Variants in TUBGCP5 observed in about 807,000 individuals in gnomAD.
The protein encoded by TUBGCP5 is tubulin gamma complex component 5.
Under a neutral mutation model 134.7 loss-of-function variants are expected in TUBGCP5, and 98 were observed. That is an observed-to-expected ratio of 0.73 (90% confidence interval 0.62 to 0.86). TUBGCP5 has a LOEUF of 0.86. Among genes scored for constraint, TUBGCP5 ranks in the 40% least tolerant of loss-of-function variants. The pLI is 0.00. For missense variants in TUBGCP5, 1,150 were observed against 1,244.8 expected (o/e 0.92, Z 1.15); for synonymous variants, 456 against 431.4 (o/e 1.06, Z -0.71).
Position 23,032,756 on chromosome 15 carries a change from A to T in TUBGCP5, c.378T>A (p.Tyr126Ter), listed in dbSNP as rs1345700827. ...CTTCTTTATTTCTTGGTGTCTCCACATAACTGCTGTTTGAAGGAGAGTCTG... is the reference window on the plus strand; with the variant it reads ...CTTCTTTATTTCTTGGTGTCTCCACTTAACTGCTGTTTGAAGGAGAGTCTG... ...CLSDSPSNSS[Y>*]VETPRNKEVE... is the part of the protein sequence containing the mutation. Residue 126 changes from tyrosine to a stop codon, truncating the protein, a stop_gained, in exon 4 of 23, where the codon TAT (tyrosine) becomes TAA (stop). Coordinates refer to ENST00000615383, the MANE Select transcript of TUBGCP5 (RefSeq NM_052903.6). LOFTEE classifies it high-confidence loss of function. 2 of 1,596,196 alleles carry T rather than the reference A, an allele frequency of 1.3e-6. No individual in the cohort carries two copies. Among genetic ancestry groups the T allele is most frequent in the Non-Finnish European group, 1.7e-6 (2 of 1,173,350 alleles).
At chr15:23,031,201 A>C (rs2066288995) in intron 5 of TUBGCP5, among the ~76,000 whole-genome samples, 181 bp from the exon 6 acceptor site, 1 of 152,180 alleles carries the variant, frequency 6.6e-6, no homozygotes, top group African/African-American at 2.4e-5. Context: ...AAATATGATT[A>C]CTACTTTTTC....
chr15:23,032,884 T>A (rs901703963), intron 3 of TUBGCP5, 60 bp from the exon 4 acceptor site: 3 of 1,277,262 alleles, frequency 2.3e-6, no homozygotes, highest in Non-Finnish European at 3.2e-6. Context: ...CTACACCAGA[T>A]TGAGTAAAGA....
At chr15:23,023,820 A>G in intron 10 of TUBGCP5, 127 bp downstream of exon 10, 2 of 834,470 alleles carry the variant, frequency 2.4e-6, no homozygotes, top group South Asian at 4.9e-5. Flanking sequence ...AAATAATTTT[A>G]AAAGAAGCAT....
chr15:23,011,163 T>C lies in TUBGCP5; in HGVS notation c.1925A>G (p.His642Arg), dbSNP rs1247412566. 1.2e-6 allele frequency: 2 copies of C among 1,614,096 alleles called. No individual in the cohort carries two copies. The highest frequency in any genetic ancestry group is 2.7e-5 in the African/African-American group (2 of 75,044). Reference protein sequence around the residue: ...AESHLELDDVHDPLLAINFAR... With the variant: ...AESHLELDDVRDPLLAINFAR... ...AAAGTTAATGGCAAGCAGTGGATCA[T>C]GAACATCATCCAGTTCAAGATGGCT... The change falls in exon 14 of 23, where the codon CAT becomes CGT. Residue 642 changes from histidine (H) to arginine (R), a missense_variant. Around this residue, in one of 2 missense-constraint regions of TUBGCP5, gnomAD observed 697 missense variants for 850.1 expected, o/e 0.82. Coordinates refer to ENST00000615383, the MANE Select transcript of TUBGCP5 (RefSeq NM_052903.6).
chr15:23,004,289 A>G (rs1307126434), intron 19 of TUBGCP5, 62 bp from the exon 20 acceptor site: 2 of 1,574,414 alleles, frequency 1.3e-6, no homozygotes, highest in Admixed American at 4.1e-5. Flanking sequence ...TGTGCTGCAC[A>G]CAAATCTTTT....
At chr15:23,012,132 AAAG>A (rs2065072908) in intron 13 of TUBGCP5, among the ~76,000 whole-genome samples, 1 of 151,718 alleles carries the variant, frequency 6.6e-6, no homozygotes, top group Admixed American at 6.6e-5. Context: ...AAAAAAAAAA[AAAG>A]AGTAAGATCC....
rs1272441031 is a variant in TUBGCP5 at position 23,009,949 on chromosome 15, A to T, written c.2140T>A (p.Tyr714Asn). 5.6e-6 allele frequency: 9 copies of T among 1,611,582 alleles called. No individual in the cohort carries two copies. Among genetic ancestry groups the T allele is most frequent in the Non-Finnish European group, 6.8e-6 (8 of 1,178,598 alleles). The change falls in exon 15 of 23, where the codon TAC becomes AAC. Residue 714 changes from tyrosine (Y) to asparagine (N), a missense_variant. This residue lies in a region of TUBGCP5 where 697 missense variants were observed against 850.1 expected (regional missense o/e 0.82). Coordinates refer to ENST00000615383, the MANE Select transcript of TUBGCP5 (RefSeq NM_052903.6). ...GNLMQTLKKD[Y>N]RLVEYLQAMR... ...AAAATTAAATTACTCTTTTACCTGT[A>T]ATCTTTTTTTAGAGTTTGCATGAGA...
chr15:23,006,487 C>T, intron 16 of TUBGCP5, 135 bp from the exon 17 acceptor site: 1 of 671,660 alleles, frequency 1.5e-6, no homozygotes, highest in South Asian at 1.9e-5. Context: ...TGCAAACATT[C>T]CAACAAATGT....
intron 6 of TUBGCP5, among the ~76,000 whole-genome samples, chr15:23,030,023 T>C (rs2066217262): frequency 6.6e-6 from 1 of 152,156 alleles, no homozygotes; most frequent in African/African-American, 2.4e-5. Flanking sequence ...GGTGAAACCC[T>C]GTGTCTACAA....
Position 23,024,183 on chromosome 15 carries a change from C to A in TUBGCP5, c.932G>T (p.Arg311Leu). The A allele has an allele frequency of 6.2e-7, 1 of 1,613,644 alleles. No homozygotes were observed. The highest frequency in any genetic ancestry group is 8.5e-7 in the Non-Finnish European group (1 of 1,179,738). Residue 311 changes from arginine to leucine, a missense_variant, in exon 10 of 23, where the codon CGA (arginine) becomes CTA (leucine). By Grantham distance (102) the Arg-to-Leu change is moderately radical. This residue lies in a region of TUBGCP5 where 453 missense variants were observed against 394.7 expected (regional missense o/e 1.15). Coordinates refer to ENST00000615383, the MANE Select transcript of TUBGCP5 (RefSeq NM_052903.6). ...IVTHLTHSCL[R>L]SVLEQIAAYG... ...TGCTGCTATTTGTTCCAGCACAGAT[C>A]GTAAACAGCTCTACAACACAAGCAA...
chr15:23,009,637 T>C (rs1328391517), intron 15 of TUBGCP5, among the ~76,000 whole-genome samples: 1 of 147,576 alleles, frequency 6.8e-6, no homozygotes, highest in Non-Finnish European at 1.5e-5. Context: ...TTTATGGATA[T>C]GCATAGTTTA....
At chr15:23,000,254 A>G in intron 22 of TUBGCP5, 1 of 1,234,152 alleles carries the variant, frequency 8.1e-7, no homozygotes. Flanking sequence ...TAGATTTTGA[A>G]AAGAAATAGT....
intron 20 of TUBGCP5, among the ~76,000 whole-genome samples, chr15:23,003,648 T>G (rs892902782): frequency 0.033 from 4,913 of 146,794 alleles, 267 homozygotes; most frequent in African/African-American, 0.1. Flanking sequence ...TTTTTTTTTT[T>G]TTTTTTTTTT....
intron 6 of TUBGCP5, 111 bp downstream of exon 6, chr15:23,030,774 A>T: frequency 7.5e-7 from 1 of 1,324,674 alleles, no homozygotes; most frequent in Non-Finnish European, 1.0e-6. Flanking sequence ...TTTTATAAGG[A>T]TGGTAGAGCT....
chr15:23,027,490 A>G (rs935451204), intron 6 of TUBGCP5, among the ~76,000 whole-genome samples, 184 bp from the exon 7 acceptor site: 2 of 152,114 alleles, frequency 1.3e-5, no homozygotes, highest in Admixed American at 1.3e-4. Flanking sequence ...TATGGCTCAC[A>G]CATATAATCC....
At chr15:22,993,557 T>G (rs1355625047) in intron 23 of TUBGCP5, among the ~76,000 whole-genome samples, 1 of 123,262 alleles carries the variant, frequency 8.1e-6, no homozygotes, top group Non-Finnish European at 1.6e-5. Flanking sequence ...TTTTTTTTTT[T>G]AATATGAGAC....
intron 23 of TUBGCP5, among the ~76,000 whole-genome samples, chr15:22,992,242 G>A (rs891975947): frequency 4.6e-5 from 7 of 152,100 alleles, no homozygotes; most frequent in Non-Finnish European, 1.0e-4. Context: ...TCTTCATGAT[G>A]AGAGGCCCTA....
At chr15:23,007,020 A>C (rs1352339692) in intron 16 of TUBGCP5, among the ~76,000 whole-genome samples, 2 of 152,172 alleles carry the variant, frequency 1.3e-5, no homozygotes, top group Non-Finnish European at 2.9e-5. Flanking sequence ...CATATGAAGA[A>C]GGTTTAAAGT....
At chr15:23,011,029 C>T in intron 14 of TUBGCP5, 104 bp downstream of exon 14, 2 of 1,093,340 alleles carry the variant, frequency 1.8e-6, no homozygotes, top group Non-Finnish European at 2.7e-6. Flanking sequence ...GGATAGCCTA[C>T]AAGAGTTTTT....
Sources: allele counts gnomAD v4.1 joint callset (sites outside exome capture counted in the v4.1 genomes callset), GRCh38; gene constraint gnomAD v4.1.1; regional missense constraint gnomAD v4.1.1; transcripts MANE v1.5; gene names NCBI Gene and HGNC (gene_info 2026-07-23, HGNC 2026-07-21).